CNTNAP2: variants seen among roughly 807,000 people sequenced by gnomAD.
The protein encoded by CNTNAP2 is contactin associated protein 2.
CNTNAP2 carries 98 observed loss-of-function variants against 155.2 expected under a neutral mutation model. The observed-to-expected ratio is 0.63, with a 90% CI of 0.54 to 0.75. The LOEUF is 0.75. Ranked by LOEUF, CNTNAP2 falls within the 30% of genes least tolerant of loss-of-function variation. The pLI, the probability that CNTNAP2 is intolerant of heterozygous loss-of-function variation, is 0.00. For missense variants in CNTNAP2, 1,727 were observed against 1,688.1 expected, an observed-to-expected ratio of 1.02 and a Z score of -0.40; for synonymous variants, 651 against 631.2, an observed-to-expected ratio of 1.03 and a Z score of -0.47.
intron 1 of CNTNAP2, among the ~76,000 whole-genome samples, chr7:146,261,715 T>G (rs1799921851): frequency 6.6e-6 from 1 of 152,056 alleles, no homozygotes; most frequent in Admixed American, 6.6e-5. Context: ...AGCTGAACAG[T>G]TTTAGAAATT....
intron 13 of CNTNAP2, among the ~76,000 whole-genome samples, chr7:147,861,196 A>G (rs1223722103): frequency 6.6e-6 from 1 of 152,210 alleles, no homozygotes; most frequent in East Asian, 1.9e-4. Flanking sequence ...CTGTCAAAGC[A>G]GGAATACAAA....
chr7:147,443,521 G>C (rs1183634987), intron 10 of CNTNAP2, among the ~76,000 whole-genome samples: 1 of 152,060 alleles, frequency 6.6e-6, no homozygotes, highest in African/African-American at 2.4e-5. Flanking sequence ...CACTGCGAGT[G>C]TTCATTTGGT....
intron 8 of CNTNAP2, among the ~76,000 whole-genome samples, chr7:147,188,838 A>C (rs1802621629): frequency 1.3e-5 from 2 of 152,252 alleles, no homozygotes; most frequent in African/African-American, 4.8e-5. Flanking sequence ...AATTGAAAAA[A>C]ATGTGAATAA....
intron 3 of CNTNAP2, among the ~76,000 whole-genome samples, chr7:146,885,824 C>T (rs1025170006): frequency 6.6e-6 from 1 of 151,974 alleles, no homozygotes; most frequent in African/African-American, 2.4e-5. Flanking sequence ...TTCTTTTCAG[C>T]ATGAATTGTA....
chr7:146,165,329 A>G (rs964667032), intron 1 of CNTNAP2, among the ~76,000 whole-genome samples: 2 of 152,200 alleles, frequency 1.3e-5, no homozygotes, highest in Admixed American at 6.5e-5. Context: ...TAATTGTATT[A>G]TGAATCAGCA....
chr7:147,465,360 C>T (rs1798103200), intron 10 of CNTNAP2, among the ~76,000 whole-genome samples: 1 of 152,062 alleles, frequency 6.6e-6, no homozygotes, highest in African/African-American at 2.4e-5. Flanking sequence ...TTCCCATCAT[C>T]TACAGCTCTT....
intron 17 of CNTNAP2, among the ~76,000 whole-genome samples, chr7:148,162,284 G>A (rs577122419): frequency 1.3e-5 from 2 of 152,324 alleles, no homozygotes; most frequent in Admixed American, 6.5e-5. Flanking sequence ...TTGCAAAAAT[G>A]TATTTAGACA....
intron 13 of CNTNAP2, among the ~76,000 whole-genome samples, chr7:147,679,836 C>T (rs897720149): frequency 6.6e-5 from 10 of 151,808 alleles, no homozygotes; most frequent in African/African-American, 2.4e-4. Context: ...AGATACAGAA[C>T]TCCTTAAAAA....
chr7:148,214,477 G>A (rs1030911025), intron 18 of CNTNAP2, among the ~76,000 whole-genome samples: 2 of 152,220 alleles, frequency 1.3e-5, no homozygotes, highest in Admixed American at 6.5e-5. Flanking sequence ...AGTAAGTCAG[G>A]CAGCAATGAG....
intron 20 of CNTNAP2, among the ~76,000 whole-genome samples, chr7:148,231,215 G>A (rs1242121359): frequency 6.6e-6 from 1 of 152,192 alleles, no homozygotes; most frequent in Non-Finnish European, 1.5e-5. Context: ...AAGACTTGAG[G>A]AAGGGGAGAG....
intron 9 of CNTNAP2, among the ~76,000 whole-genome samples, chr7:147,308,647 C>T (rs1795072409): frequency 6.6e-6 from 1 of 152,136 alleles, no homozygotes; most frequent in Admixed American, 6.5e-5. Context: ...CTGTGTTTCC[C>T]TGAAAATGAC....
chr7:146,913,004 GA>G (rs1796318361), intron 3 of CNTNAP2, among the ~76,000 whole-genome samples: 1 of 152,044 alleles, frequency 6.6e-6, no homozygotes, highest in African/African-American at 2.4e-5. Context: ...ATGTCTTCAG[GA>G]AAATTAATGA....
In CNTNAP2 at chr7:147,300,633, G is replaced by A. The variant is rs116532990; in HGVS notation, c.1498+343G>A. On this transcript the variant is annotated intron_variant, in intron 9 of 23. Coordinates refer to ENST00000361727, the MANE Select transcript of CNTNAP2 (RefSeq NM_014141.6). ...TGTAACTAATTATTCAAACCTTAGT[G>A]TCTTCAAACAAACATTTATTATCTC... Among the ~76,000 whole-genome samples, 1,337 of 152,282 alleles carry A rather than the reference G, an allele frequency of 8.8e-3. 19 individuals are homozygous for A. Among genetic ancestry groups the A allele is most frequent in the African/African-American group, 0.03 (1,251 of 41,566 alleles).
rs398124267 is a variant in CNTNAP2, at chr7:147,486,033, G to A, written c.1769G>A (p.Cys590Tyr). 2 of 1,613,806 alleles carry A rather than the reference G, an allele frequency of 1.2e-6. No individual in the cohort carries two copies. Among genetic ancestry groups the A allele is most frequent in the Non-Finnish European group, 1.7e-6 (2 of 1,179,720 alleles). ...CDETGYSGAT[C>Y]HNSIYEPSCE... is the part of the protein sequence containing the mutation. ...GAGACAGGATACAGTGGGGCCACCT[G>A]CCACAACTGTGAGTGCCAATTTATC... The change falls in exon 11 of 24, where the codon TGC becomes TAC. Residue 590 changes from cysteine (C) to tyrosine (Y), a missense_variant. By Grantham distance (194) the Cys-to-Tyr change is radical (BLOSUM62 -2). Coordinates refer to ENST00000361727, the MANE Select transcript of CNTNAP2 (RefSeq NM_014141.6).
chr7:146,481,006 T>A lies in CNTNAP2; in HGVS notation c.98-293265T>A, dbSNP rs1188693376. On this transcript the variant is annotated intron_variant, in intron 1 of 23. Coordinates refer to ENST00000361727, the MANE Select transcript of CNTNAP2 (RefSeq NM_014141.6). Reference sequence around the variant, plus strand: ...CCAGAACCTGGTATATTAATGAAAATTTTTTTTTTCAAATCTCAGAGGTAA... The same window carrying A: ...CCAGAACCTGGTATATTAATGAAAAATTTTTTTTTCAAATCTCAGAGGTAA... Among the ~76,000 whole-genome samples, 10 of 96,500 alleles carry A rather than the reference T, an allele frequency of 1.0e-4. No homozygotes were observed. The South Asian group carries it at 1.3e-3, about 13-fold the overall frequency. 63.3% of individuals were successfully genotyped at this position (96,500 alleles called of 152,430 possible).
chr7:148,056,248 T>C (rs1803006098), intron 15 of CNTNAP2, among the ~76,000 whole-genome samples: 1 of 152,176 alleles, frequency 6.6e-6, no homozygotes, highest in Admixed American at 6.6e-5. Flanking sequence ...AGCCATTTTA[T>C]GTTCTGTGGA....
At chr7:146,987,336 A>G (rs1325924546) in intron 3 of CNTNAP2, among the ~76,000 whole-genome samples, 1 of 152,166 alleles carries the variant, frequency 6.6e-6, no homozygotes, top group Non-Finnish European at 1.5e-5. Flanking sequence ...TAAGAAATTC[A>G]TTAATTAGTA....
chr7:146,900,883 C>G (rs112943073), intron 3 of CNTNAP2, among the ~76,000 whole-genome samples: 80 of 152,274 alleles, frequency 5.3e-4, no homozygotes, highest in Middle Eastern at 3.4e-3. Flanking sequence ...AGCATAATTC[C>G]TGTCCCTAGT....
At chr7:147,729,848 C>T (rs1207891919) in intron 13 of CNTNAP2, among the ~76,000 whole-genome samples, 1 of 152,022 alleles carries the variant, frequency 6.6e-6, no homozygotes, top group Non-Finnish European at 1.5e-5. Flanking sequence ...ATGACTTTTA[C>T]TAGGAAAAGA....
Sources: gnomAD v4.1 joint callset for allele counts (sites outside exome capture counted in the v4.1 genomes callset) on GRCh38, gnomAD v4.1.1 for gene constraint, MANE v1.5 for transcripts, NCBI Gene and HGNC (gene_info 2026-07-23, HGNC 2026-07-21) for gene names.